Variants in SMARCA5 observed in about 807,000 individuals in gnomAD.
SMARCA5 encodes SWI/SNF-related matrix-associated actin-dependent regulator of chromatin subfamily A member 5.
Under a neutral mutation model 140.4 loss-of-function variants are expected in SMARCA5, and 18 were observed. The observed-to-expected ratio is 0.13, with a 90% CI of 0.09 to 0.19. The LOEUF is 0.19. Among genes scored for constraint, SMARCA5 ranks in the 10% least tolerant of loss-of-function variants. The probability of loss-of-function intolerance (pLI) is 1.00; values close to 1 mark genes in which losing one functional copy is unlikely to be tolerated. For missense variants in SMARCA5, 606 were observed against 1,276.8 expected, an observed-to-expected ratio of 0.47 and a Z score of 8.01; for synonymous variants, 449 against 419.6, an observed-to-expected ratio of 1.07 and a Z score of -0.86.
intron 11 of SMARCA5, 135 bp from the exon 12 acceptor site, chr4:143,538,455 T>G: frequency 1.5e-6 from 1 of 674,098 alleles, no homozygotes; most frequent in Non-Finnish European, 2.6e-6. Context: ...GATAATAATG[T>G]GTAGATTTTT....
At position 143,547,367 on chromosome 4, in the gene SMARCA5, T is replaced by C; in HGVS notation, c.2654-18T>C. 7.9e-7 allele frequency: 1 copy of C among 1,267,430 alleles called. No individual in the cohort carries two copies. Among genetic ancestry groups the C allele is most frequent in the Non-Finnish European group, 1.1e-6 (1 of 880,018 alleles). 78.5% of individuals were successfully genotyped at this position (1,267,430 alleles called of 1,614,324 possible). On this transcript the variant is annotated intron_variant, in intron 20 of 23. Coordinates refer to ENST00000283131, the MANE Select transcript of SMARCA5 (RefSeq NM_003601.4). Reference sequence around the variant, plus strand: ...ATAAAAATATAAATGATTTGTTTACTTTGTCCAACTTTTACAGCTGTGTTT... The same window carrying C: ...ATAAAAATATAAATGATTTGTTTACCTTGTCCAACTTTTACAGCTGTGTTT...
chr4:143,545,979 C>T lies in SMARCA5; in HGVS notation c.2452C>T (p.Leu818Phe). 6.2e-7 allele frequency: 1 copy of T among 1,609,826 alleles called. No individual in the cohort carries two copies. Residue 818 changes from leucine (L) to phenylalanine (F), a missense_variant, in exon 19 of 24, where the codon CTT (leucine) becomes TTT (phenylalanine). Around this residue, in one of 10 missense-constraint regions of SMARCA5, gnomAD observed 121 missense variants for 227.1 expected, o/e 0.53. Coordinates refer to ENST00000283131, the MANE Select transcript of SMARCA5 (RefSeq NM_003601.4). ...NAAQAQKEEQ[L>F]KIDEAESLND... Reference sequence around the variant, plus strand: ...AGCACAGGCACAAAAAGAAGAACAGCTTAAAATTGATGAAGCTGAATCCCT... The same window carrying T: ...AGCACAGGCACAAAAAGAAGAACAGTTTAAAATTGATGAAGCTGAATCCCT...
chr4:143,550,923 T>C (rs1474927499), intron 23 of SMARCA5, among the ~76,000 whole-genome samples: 1 of 152,074 alleles, frequency 6.6e-6, no homozygotes, highest in African/African-American at 2.4e-5. Context: ...ATACTGACTT[T>C]CTTTTGGGTG....
chr4:143,526,554 G>A (rs1049211524), intron 6 of SMARCA5, 94 bp downstream of exon 6: 9 of 782,234 alleles, frequency 1.2e-5, no homozygotes, highest in East Asian at 2.5e-5. Context: ...TAAATGAGAC[G>A]GGATCTTCGC....
Position 143,556,286 on chromosome 4 carries a change from T to C in SMARCA5, c.*3102T>C, listed in dbSNP as rs1269730457. ...CTGGATTTAATTATATAAATGATTA[T>C]ATAAATGATCTTTGGCTTAGTACCT... On this transcript the variant is annotated 3_prime_UTR_variant, in exon 24 of 24. Coordinates refer to ENST00000283131, the MANE Select transcript of SMARCA5 (RefSeq NM_003601.4). The C allele has an allele frequency of 6.6e-6, 1 of 152,246 alleles. No homozygotes were observed. 9.4% of individuals were successfully genotyped at this position (152,246 alleles called of 1,614,324 possible).
At chr4:143,549,895 G>T in intron 22 of SMARCA5, 102 bp from the exon 23 acceptor site, 1 of 604,442 alleles carries the variant, frequency 1.7e-6, no homozygotes, top group Non-Finnish European at 3.0e-6. Flanking sequence ...GGGTGTATTA[G>T]TGGTTTTATA....
chr4:143,554,135 T>G lies in SMARCA5; in HGVS notation c.*951T>G, dbSNP rs529887231. 2.0e-5 allele frequency: 3 copies of G among 152,248 alleles called. No individual in the cohort carries two copies. The highest frequency in any genetic ancestry group is 7.2e-5 in the African/African-American group (3 of 41,570). 9.4% of individuals were successfully genotyped at this position (152,248 alleles called of 1,614,324 possible). On this transcript the variant is annotated 3_prime_UTR_variant, in exon 24 of 24. Transcript: ENST00000283131. ...AGTAGTTTCTAAGTGTTAGCAAGAC[T>G]GACTATAATTCCAGTTTCTGTTTTC...
At chr4:143,539,685 C>T (rs568785679) in intron 13 of SMARCA5, among the ~76,000 whole-genome samples, 15 of 151,934 alleles carry the variant, frequency 9.9e-5, no homozygotes, top group African/African-American at 2.2e-4. Context: ...TACAGGTGTG[C>T]GCCACCACGC....
chr4:143,549,320 C>T (rs941852534), intron 22 of SMARCA5, among the ~76,000 whole-genome samples: 3 of 152,054 alleles, frequency 2.0e-5, no homozygotes, highest in African/African-American at 4.8e-5. Context: ...GTAGTAGTAT[C>T]ACTTACTATA....
intron 16 of SMARCA5, 178 bp downstream of exon 16, chr4:143,544,150 T>G (rs2149824074): frequency 2.5e-6 from 1 of 393,630 alleles, no homozygotes; most frequent in Non-Finnish European, 4.5e-6. Flanking sequence ...GTTGGTAAGC[T>G]CTGAAATATT....
chr4:143,537,288 A>G (rs1222422884), intron 11 of SMARCA5, among the ~76,000 whole-genome samples: 20 of 152,226 alleles, frequency 1.3e-4, no homozygotes, highest in Admixed American at 1.3e-3. Flanking sequence ...GCCAGACACT[A>G]TAGCCTTTCA....
At chr4:143,535,700 A>C (rs934793671) in intron 10 of SMARCA5, among the ~76,000 whole-genome samples, 1 of 152,192 alleles carries the variant, frequency 6.6e-6, no homozygotes, top group East Asian at 1.9e-4. Context: ...TGAACTTTAT[A>C]TCAGAATTGA....
Position 143,553,259 on chromosome 4 carries a change from T to G in SMARCA5, c.*75T>G. 1 of 968,806 alleles carries G rather than the reference T, an allele frequency of 1.0e-6. No homozygotes were observed. The highest frequency in any genetic ancestry group is 1.7e-6 in the Non-Finnish European group (1 of 597,122). 60.0% of individuals were successfully genotyped at this position (968,806 alleles called of 1,614,324 possible). A position where few individuals can be genotyped will look rare whatever the true frequency, so the allele number is the denominator to read the frequency against. On this transcript the variant is annotated 3_prime_UTR_variant, in exon 24 of 24. Coordinates refer to ENST00000283131, the MANE Select transcript of SMARCA5 (RefSeq NM_003601.4). ...TTACGGGTCTTCATAAGATGTACTG[T>G]ACAATGCTCAATTGTTATGTCATTT...
chr4:143,533,833 G>T (rs1179000093), intron 9 of SMARCA5, among the ~76,000 whole-genome samples: 2 of 152,132 alleles, frequency 1.3e-5, no homozygotes, highest in Non-Finnish European at 2.9e-5. Flanking sequence ...AGACCTGAAA[G>T]GCAGCAAATT....
In SMARCA5 at chr4:143,514,061, C is replaced by G. The variant is rs986588765; in HGVS notation, c.137C>G (p.Ala46Gly). 6 of 1,562,228 alleles carry G rather than the reference C, an allele frequency of 3.8e-6. No homozygotes were observed. The highest frequency in any genetic ancestry group is 4.3e-6 in the Non-Finnish European group (5 of 1,162,570). The change falls in exon 1 of 24, where the codon GCG becomes GGG. Residue 46 changes from alanine to glycine, a missense_variant. Physicochemically the swap from Ala to Gly is moderately conservative, Grantham distance 60. Transcript: ENST00000283131. The stretch of plus-strand genomic sequence containing the variant: ...GAAGGCGTCGCGGCGCAGGCGGTTG[C>G]GTCTGCGGCCAGCGCTGGTCCCGCA... ...GPEGVAAQAV[A>G]SAASAGPADA...
At chr4:143,537,033 T>C (rs1737321677) in intron 11 of SMARCA5, among the ~76,000 whole-genome samples, 1 of 152,200 alleles carries the variant, frequency 6.6e-6, no homozygotes, top group South Asian at 2.1e-4. Context: ...GTGTTCATGA[T>C]ATTGTTTTTT....
intron 2 of SMARCA5, among the ~76,000 whole-genome samples, 186 bp from the exon 3 acceptor site, chr4:143,521,243 A>G (rs1380213665): frequency 1.3e-5 from 2 of 151,638 alleles, no homozygotes; most frequent in African/African-American, 2.4e-5. Context: ...ATCATACAGC[A>G]TGTAGTCTTT....
At chr4:143,514,135 A>G in intron 1 of SMARCA5, 34 bp downstream of exon 1, 1 of 1,488,012 alleles carries the variant, frequency 6.7e-7, no homozygotes, top group Non-Finnish European at 8.9e-7. Context: ...GAGCGGGTGC[A>G]GCGGGGAGGA....
At chr4:143,527,577 T>C (rs147085303) in intron 6 of SMARCA5, among the ~76,000 whole-genome samples, 172 of 152,310 alleles carry the variant, frequency 1.1e-3, no homozygotes, top group African/African-American at 4.0e-3. Context: ...ACCTGCCTCC[T>C]AAGAATTTCC....
Sources: gnomAD v4.1 joint callset for allele counts (sites outside exome capture counted in the v4.1 genomes callset) on GRCh38, gnomAD v4.1.1 for gene constraint, gnomAD v4.1.1 regional missense constraint, MANE v1.5 for transcripts, NCBI Gene and HGNC (gene_info 2026-07-23, HGNC 2026-07-21) for gene names.